The following MKLN1 variants were observed in gnomAD, a reference collection of about 807,000 sequenced individuals.
The protein encoded by MKLN1 is muskelin 1, also known as muskelin.
In MKLN1, 18 loss-of-function variants were observed where a neutral mutation model predicts 99.0. The ratio of observed to expected loss-of-function variants is 0.18; its 90% CI spans 0.13 to 0.27. MKLN1 has a LOEUF of 0.27. MKLN1 is among the 10% of genes least tolerant of loss of function. The pLI, the probability that MKLN1 is intolerant of heterozygous loss-of-function variation, is 1.00. For synonymous variants in MKLN1, 288 were observed against 293.2 expected, an observed-to-expected ratio of 0.98 and a Z score of 0.18; for missense variants, 621 against 875.9, an observed-to-expected ratio of 0.71 and a Z score of 3.67.
chr7:131,261,341 AACAG>A (rs1382318646), intron 3 of MKLN1, among the ~76,000 whole-genome samples: 1 of 152,252 alleles, frequency 6.6e-6, no homozygotes, highest in Non-Finnish European at 1.5e-5. Flanking sequence ...AAAGGAAATG[AACAG>A]ACACTTTTCA....
At chr7:131,276,822 G>C (rs1229226240) in intron 3 of MKLN1, among the ~76,000 whole-genome samples, 2 of 152,182 alleles carry the variant, frequency 1.3e-5, no homozygotes, top group Non-Finnish European at 1.5e-5. Context: ...AGACAGTGAA[G>C]GAGAACTTTC....
intron 4 of MKLN1, among the ~76,000 whole-genome samples, chr7:131,393,094 C>T (rs901524714): frequency 3.3e-5 from 5 of 152,084 alleles, no homozygotes; most frequent in African/African-American, 1.2e-4. Flanking sequence ...GCTGTCTTGC[C>T]CAGGCTGGCC....
intron 3 of MKLN1, among the ~76,000 whole-genome samples, chr7:131,275,035 G>A (rs771500070): frequency 4.6e-5 from 7 of 152,220 alleles, no homozygotes; most frequent in East Asian, 1.9e-4. Context: ...GATGGAGACC[G>A]AAATATCACC....
intron 1 of MKLN1, among the ~76,000 whole-genome samples, chr7:131,117,790 G>T (rs1795301420): frequency 6.6e-6 from 1 of 152,176 alleles, no homozygotes; most frequent in African/African-American, 2.4e-5. Flanking sequence ...CACAGGGAGA[G>T]AAATGATGAG....
At chr7:131,163,761 T>C (rs1195247857) in intron 2 of MKLN1, among the ~76,000 whole-genome samples, 1 of 152,252 alleles carries the variant, frequency 6.6e-6, no homozygotes, top group East Asian at 1.9e-4. Flanking sequence ...ATCAGTGTTC[T>C]TCGCTCACAA....
chr7:131,442,802 A>G (rs1327102796), intron 10 of MKLN1, among the ~76,000 whole-genome samples: 1 of 152,220 alleles, frequency 6.6e-6, no homozygotes, highest in Non-Finnish European at 1.5e-5. Context: ...TTTCTCACAC[A>G]TTTTTATGAA....
chr7:131,117,460 A>AAC (rs770263705), intron 1 of MKLN1, among the ~76,000 whole-genome samples: 3 of 61,488 alleles, frequency 4.9e-5, no homozygotes, highest in Non-Finnish European at 8.7e-5. Context: ...CAACAACAAC[A>AAC]AACAAACAAA....
At chr7:131,180,655 C>T (rs991617953) in intron 2 of MKLN1, among the ~76,000 whole-genome samples, 4 of 149,984 alleles carry the variant, frequency 2.7e-5, no homozygotes, top group African/African-American at 7.4e-5. Context: ...GCCAAGATCC[C>T]ACCACTGCAC....
intron 2 of MKLN1, among the ~76,000 whole-genome samples, chr7:131,144,712 T>C (rs1236342051): frequency 1.3e-5 from 2 of 151,892 alleles, no homozygotes; most frequent in Non-Finnish European, 2.9e-5. Context: ...GTACAGTGGC[T>C]CACACCTGTA....
intron 2 of MKLN1, among the ~76,000 whole-genome samples, chr7:131,380,509 A>G (rs1793811923): frequency 6.6e-6 from 1 of 152,212 alleles, no homozygotes; most frequent in Non-Finnish European, 1.5e-5. Flanking sequence ...TGTATGCAAA[A>G]GCATTTTCTG....
intron 3 of MKLN1, among the ~76,000 whole-genome samples, chr7:131,275,414 G>C (rs1797945962): frequency 7.5e-6 from 1 of 134,122 alleles, no homozygotes; most frequent in Admixed American, 7.7e-5. Context: ...TGTCTCCCAG[G>C]CTGGAGTGCA....
intron 1 of MKLN1, among the ~76,000 whole-genome samples, chr7:131,335,070 T>C (rs1799212894): frequency 6.6e-6 from 1 of 152,156 alleles, no homozygotes; most frequent in African/African-American, 2.4e-5. Flanking sequence ...TTGTTGCTTA[T>C]TAAGGGGTGG....
chr7:131,334,375 CTG>C (rs2116704557), intron 1 of MKLN1, among the ~76,000 whole-genome samples: 1 of 152,248 alleles, frequency 6.6e-6, no homozygotes, highest in African/African-American at 2.4e-5. Flanking sequence ...ACTGAAAGTT[CTG>C]TGTTTTTCAG....
Position 131,495,425 on chromosome 7 carries a change from C to A in MKLN1, c.*7697C>A, listed in dbSNP as rs535415363. The A allele has an allele frequency of 6.6e-6, 1 of 152,022 alleles. No homozygotes were observed. Among genetic ancestry groups the A allele is most frequent in the African/African-American group, 2.4e-5 (1 of 41,460 alleles). The allele number at this position is 152,022 out of a possible 1,614,324, so 9.4% of individuals were successfully genotyped here. On this transcript the variant is annotated 3_prime_UTR_variant, in exon 18 of 18. Transcript: ENST00000352689. Reference sequence around the variant, plus strand: ...TGTTAAATATCTTATATGGGACTTACGATAAAATGTATTGATGTTAGTGAT... The same window carrying A: ...TGTTAAATATCTTATATGGGACTTAAGATAAAATGTATTGATGTTAGTGAT...
chr7:131,291,146 T>TTTATTTATTTAC (rs1175156365), intron 3 of MKLN1, among the ~76,000 whole-genome samples: 1 of 147,556 alleles, frequency 6.8e-6, no homozygotes, highest in African/African-American at 2.5e-5. Flanking sequence ...TATTTATTTA[T>TTTATTTATTTAC]TTGAGACAGA....
rs1171639727 is a variant in MKLN1 at position 131,112,519 on chromosome 7, C to T, written c.-419+2312C>T. Among the ~76,000 whole-genome samples the T allele has an allele frequency of 3.3e-5, 5 of 152,150 alleles. No homozygotes were observed. The East Asian group carries it at 9.6e-4, about 29-fold the overall frequency. Reference sequence around the variant, plus strand: ...TGCCTCAGTGGTATTATGGAAGCAACAGGATAAGAGTTACAAAAGGATATA... The same window carrying T: ...TGCCTCAGTGGTATTATGGAAGCAATAGGATAAGAGTTACAAAAGGATATA... On this transcript the variant is annotated intron_variant, in intron 1 of 7. Transcript: ENST00000416992.
At chr7:131,275,534 GATATATATATATATATATAT>G (rs1166104066) in intron 3 of MKLN1, among the ~76,000 whole-genome samples, 4 of 14,274 alleles carry the variant, frequency 2.8e-4, no homozygotes, top group African/African-American at 4.4e-4. Flanking sequence ...ACGCCCAGCT[GATATATATATATATATATAT>G]ATATATATAT....
intron 3 of MKLN1, among the ~76,000 whole-genome samples, chr7:131,276,638 G>A (rs915445906): frequency 2.0e-5 from 3 of 152,208 alleles, no homozygotes; most frequent in African/African-American, 7.2e-5. Context: ...CTGGGTCTCT[G>A]AGGAAGATAA....
chr7:131,303,479 C>G (rs556880782), intron 3 of MKLN1, among the ~76,000 whole-genome samples: 1 of 152,174 alleles, frequency 6.6e-6, no homozygotes, highest in African/African-American at 2.4e-5. Flanking sequence ...TTTGTTTGTT[C>G]GTTTTGGCAA....
Sources: gnomAD v4.1 joint callset for allele counts (sites outside exome capture counted in the v4.1 genomes callset) on GRCh38, gnomAD v4.1.1 for gene constraint, MANE v1.5 for transcripts, NCBI Gene and HGNC (gene_info 2026-07-23, HGNC 2026-07-21) for gene names.